The following LRRC4C variants were observed in gnomAD, a reference collection of about 807,000 sequenced individuals.
LRRC4C encodes the protein leucine-rich repeat-containing protein 4C.
A neutral mutation model predicts 33.6 loss-of-function variants in LRRC4C; 5 were observed. That is an observed-to-expected ratio of 0.15 (90% CI 0.08 to 0.31). The LOEUF (loss-of-function observed/expected upper bound fraction) is 0.31. Among genes scored for constraint, LRRC4C ranks in the 10% least tolerant of loss-of-function variants. LRRC4C has a pLI of 1.00. For synonymous variants in LRRC4C, 329 were observed against 302.0 expected (o/e 1.09, Z -0.93); for missense variants, 560 against 796.7 (o/e 0.70, Z 3.58).
chr11:40,609,933 A>C (rs535685351), intron 3 of LRRC4C, among the ~76,000 whole-genome samples: 2 of 152,004 alleles, frequency 1.3e-5, no homozygotes, highest in Admixed American at 1.3e-4. Flanking sequence ...CCAGAACCAG[A>C]TAGCTTCACT....
chr11:40,940,345 T>G (rs1958089189), intron 1 of LRRC4C, among the ~76,000 whole-genome samples: 1 of 152,244 alleles, frequency 6.6e-6, no homozygotes, highest in Non-Finnish European at 1.5e-5. Flanking sequence ...TGAAGAATAT[T>G]GTACTATCTT....
At chr11:40,957,910 C>A (rs369469280) in intron 1 of LRRC4C, among the ~76,000 whole-genome samples, 2 of 151,802 alleles carry the variant, frequency 1.3e-5, no homozygotes, top group South Asian at 2.1e-4. Flanking sequence ...GAACCTCCCC[C>A]CTTTCCAATT....
intron 5 of LRRC4C, among the ~76,000 whole-genome samples, chr11:40,153,324 C>G (rs1418486650): frequency 6.6e-6 from 1 of 152,082 alleles, no homozygotes; most frequent in Non-Finnish European, 1.5e-5. Flanking sequence ...TTTGACAGAG[C>G]CTATCCAAAT....
At chr11:40,836,573 A>C (rs1188124220) in intron 2 of LRRC4C, among the ~76,000 whole-genome samples, 1 of 152,182 alleles carries the variant, frequency 6.6e-6, no homozygotes, top group African/African-American at 2.4e-5. Context: ...TCAGATTTCT[A>C]AGCAAATTTA....
intron 1 of LRRC4C, among the ~76,000 whole-genome samples, chr11:41,291,685 A>G (rs796124923): frequency 8.5e-5 from 13 of 152,300 alleles, no homozygotes; most frequent in African/African-American, 2.9e-4. Context: ...CCAAAATGGC[A>G]AAGAGCATTT....
intron 3 of LRRC4C, among the ~76,000 whole-genome samples, chr11:40,359,858 C>T (rs1947867147): frequency 6.6e-6 from 1 of 152,046 alleles, no homozygotes; most frequent in Non-Finnish European, 1.5e-5. Context: ...TGACTAGTAG[C>T]TTTGGAATAC....
chr11:40,894,007 C>CCCAAGA (rs1357507629), intron 2 of LRRC4C, among the ~76,000 whole-genome samples: 1 of 152,056 alleles, frequency 6.6e-6, no homozygotes, highest in Non-Finnish European at 1.5e-5. Flanking sequence ...GATCATAAAC[C>CCCAAGA]TGCATGTTTT....
At chr11:40,549,603 T>C (rs1019717743) in intron 3 of LRRC4C, among the ~76,000 whole-genome samples, 2 of 152,098 alleles carry the variant, frequency 1.3e-5, no homozygotes, top group Non-Finnish European at 1.5e-5. Flanking sequence ...GTCTAAGAAA[T>C]AAGAAAGCTG....
chr11:40,705,044 A>G lies in LRRC4C; in HGVS notation c.-406-56766T>C, dbSNP rs571440631. Among the ~76,000 whole-genome samples, 8 of 152,270 alleles carry G rather than the reference A, an allele frequency of 5.3e-5. No homozygotes were observed. In the East Asian group the frequency reaches 1.5e-3, roughly 29 times the overall value. ...GGCCTTTACACACATACACACACAC[A>G]CAAACACATTATGTGATTTAATCCT... On this transcript the variant is annotated intron_variant, in intron 2 of 6. Transcript: ENST00000528697.
intron 2 of LRRC4C, among the ~76,000 whole-genome samples, chr11:40,920,378 G>T (rs1392694444): frequency 2.0e-5 from 3 of 152,078 alleles, no homozygotes; most frequent in Non-Finnish European, 4.4e-5. Context: ...ATACAGTGAA[G>T]ACATTAAATA....
chr11:40,837,228 T>C (rs1952712392), intron 2 of LRRC4C, among the ~76,000 whole-genome samples: 1 of 152,166 alleles, frequency 6.6e-6, no homozygotes, highest in Non-Finnish European at 1.5e-5. Flanking sequence ...TCTGTACTAG[T>C]TAATTTCAAA....
chr11:41,022,224 T>C (rs1401018587), intron 1 of LRRC4C, among the ~76,000 whole-genome samples: 4 of 150,534 alleles, frequency 2.7e-5, no homozygotes, highest in Non-Finnish European at 4.4e-5. Flanking sequence ...TAAGTGTATA[T>C]ATATGATCAG....
intron 5 of LRRC4C, among the ~76,000 whole-genome samples, chr11:40,196,459 C>T (rs1862269691): frequency 6.6e-6 from 1 of 152,188 alleles, no homozygotes. Flanking sequence ...GACTTGATTC[C>T]CTTAAAGACA....
At chr11:40,430,478 C>G (rs113810113) in intron 3 of LRRC4C, among the ~76,000 whole-genome samples, 1 of 152,058 alleles carries the variant, frequency 6.6e-6, no homozygotes, top group Non-Finnish European at 1.5e-5. Context: ...ACAATAGGCA[C>G]AGTGAGTAAA....
intron 1 of LRRC4C, among the ~76,000 whole-genome samples, chr11:41,184,153 T>G (rs568601803): frequency 6.6e-6 from 1 of 152,158 alleles, no homozygotes; most frequent in Admixed American, 6.5e-5. Context: ...ACCTCTGACA[T>G]GCCTTGGAGA....
intron 3 of LRRC4C, among the ~76,000 whole-genome samples, chr11:40,455,394 C>T (rs527281169): frequency 6.6e-6 from 1 of 152,238 alleles, no homozygotes; most frequent in African/African-American, 2.4e-5. Flanking sequence ...AGAGTTCTGC[C>T]CAGAGGCAGG....
At position 41,368,506 on chromosome 11, in the gene LRRC4C, A is replaced by G. The variant is rs570857569; in HGVS notation, c.-496+90925T>C. Among the ~76,000 whole-genome samples, 11 of 152,310 alleles carry G rather than the reference A, an allele frequency of 7.2e-5. No individual in the cohort carries two copies. The South Asian group carries it at 1.5e-3, about 20-fold the overall frequency. ...CCTTATTAACAAAACTGAATTATGTAATGGTGTTTTCTATGAACTGAATGA... is the reference window on the plus strand; with the variant it reads ...CCTTATTAACAAAACTGAATTATGTGATGGTGTTTTCTATGAACTGAATGA... On this transcript the variant is annotated intron_variant, in intron 1 of 6. Transcript: ENST00000528697.
At chr11:40,154,020 G>A (rs1039680899) in intron 5 of LRRC4C, among the ~76,000 whole-genome samples, 1 of 152,118 alleles carries the variant, frequency 6.6e-6, no homozygotes, top group African/African-American at 2.4e-5. Context: ...AGAATCTTAA[G>A]AGCTGTGACA....
chr11:41,363,678 A>G (rs539201974), intron 1 of LRRC4C, among the ~76,000 whole-genome samples: 1 of 152,314 alleles, frequency 6.6e-6, no homozygotes, highest in East Asian at 1.9e-4. Flanking sequence ...AATAAAGTAA[A>G]TTAGATATTT....
Sources: allele counts gnomAD v4.1 joint callset (sites outside exome capture counted in the v4.1 genomes callset), GRCh38; gene constraint gnomAD v4.1.1; transcripts MANE v1.5; gene names NCBI Gene and HGNC (gene_info 2026-07-23, HGNC 2026-07-21).